The following SOAT1 variants were observed in gnomAD, a reference collection of about 807,000 sequenced individuals.
The protein encoded by SOAT1 is sterol O-acyltransferase 1.
Under a neutral mutation model 69.5 loss-of-function variants are expected in SOAT1, and 55 were observed. That is an observed-to-expected ratio of 0.79 (90% CI 0.64 to 0.99). SOAT1 has a LOEUF of 0.99. Among genes scored for constraint, SOAT1 ranks in the 50% least tolerant of loss-of-function variants. The pLI is 0.00. For synonymous variants in SOAT1, 231 were observed against 224.7 expected, an observed-to-expected ratio of 1.03 and a Z score of -0.25; for missense variants, 580 against 669.3, an observed-to-expected ratio of 0.87 and a Z score of 1.47.
At chr1:179,350,242 A>G in intron 13 of SOAT1, 54 bp from the exon 14 acceptor site, 1 of 1,489,580 alleles carries the variant, frequency 6.7e-7, no homozygotes, top group Non-Finnish European at 9.3e-7. Flanking sequence ...TATATAATCC[A>G]TGCTTGCTTT....
chr1:179,302,087 G>A (rs1481836978), intron 1 of SOAT1, among the ~76,000 whole-genome samples: 1 of 150,636 alleles, frequency 6.6e-6, no homozygotes, highest in East Asian at 1.9e-4. Context: ...TAAGAGTGGG[G>A]TCTATGTTTA....
intron 7 of SOAT1, 150 bp from the exon 8 acceptor site, chr1:179,341,964 A>C (rs1013224890): frequency 2.2e-6 from 2 of 895,114 alleles, no homozygotes; most frequent in African/African-American, 3.4e-5. Flanking sequence ...TTGTCATGTA[A>C]CTATATAATA....
intron 2 of SOAT1, among the ~76,000 whole-genome samples, chr1:179,313,842 C>T (rs912378781): frequency 2.0e-5 from 3 of 152,152 alleles, no homozygotes; most frequent in African/African-American, 7.2e-5. Context: ...CCTCGGCCTC[C>T]CAAAGTACTG....
chr1:179,346,868 GAAGTTC>G (rs1666549755), intron 11 of SOAT1, among the ~76,000 whole-genome samples: 1 of 152,076 alleles, frequency 6.6e-6, no homozygotes, highest in African/African-American at 2.4e-5. Context: ...CCCAGGAGTT[GAAGTTC>G]AGCCTGGGCA....
intron 3 of SOAT1, among the ~76,000 whole-genome samples, chr1:179,329,723 A>C (rs1404665828): frequency 6.6e-6 from 1 of 152,138 alleles, no homozygotes; most frequent in Non-Finnish European, 1.5e-5. Flanking sequence ...TCAAAAAAAA[A>C]AAAAAAGAAG....
At chr1:179,303,067 T>A (rs1664890703) in intron 2 of SOAT1, among the ~76,000 whole-genome samples, 1 of 152,182 alleles carries the variant, frequency 6.6e-6, no homozygotes, top group Non-Finnish European at 1.5e-5. Context: ...CGCTGGATGC[T>A]GGGGCTATAG....
At chr1:179,313,756 G>A (rs1477434652) in intron 2 of SOAT1, among the ~76,000 whole-genome samples, 1 of 152,064 alleles carries the variant, frequency 6.6e-6, no homozygotes, top group Admixed American at 6.6e-5. Flanking sequence ...GGCTAATTTT[G>A]TATTTTTAGT....
rs759503259 is a variant in SOAT1 at position 179,342,864 on chromosome 1, A to C, written c.862A>C (p.Thr288Pro). The change falls in exon 9 of 16, where the codon ACT (threonine) becomes CCT (proline). Residue 288 changes from threonine to proline, a missense_variant and splice_region_variant. By Grantham distance (38) the Thr-to-Pro change is conservative. Transcript: ENST00000367619. The stretch of plus-strand genomic sequence containing the variant: ...TAACTATAGTTTTCCTTTTCTAGGC[A>C]CTGTTCCAATACCTACAGTCAACCA... Reference protein sequence around the residue: ...VLNSAKEKSSTVPIPTVNQYL... With the variant: ...VLNSAKEKSSPVPIPTVNQYL... 5 of 1,611,876 alleles carry C rather than the reference A, an allele frequency of 3.1e-6. No individual in the cohort carries two copies. In the South Asian group the frequency reaches 5.5e-5, roughly 18 times the overall value.
intron 6 of SOAT1, among the ~76,000 whole-genome samples, chr1:179,340,265 C>T (rs188829182): frequency 4.7e-4 from 71 of 152,190 alleles, no homozygotes; most frequent in Middle Eastern, 3.4e-3. Context: ...GAGGCCGAGG[C>T]GGGAGGATCA....
intron 5 of SOAT1, among the ~76,000 whole-genome samples, chr1:179,339,207 C>T (rs1047763691): frequency 2.0e-5 from 3 of 152,012 alleles, no homozygotes; most frequent in African/African-American, 7.2e-5. Context: ...AAATTCTTAA[C>T]ATTTGAAATA....
chr1:179,331,408 T>C (rs1432015514), intron 3 of SOAT1, among the ~76,000 whole-genome samples: 1 of 152,188 alleles, frequency 6.6e-6, no homozygotes, highest in African/African-American at 2.4e-5. Flanking sequence ...GCAAAATGCA[T>C]GAGCAAGGGG....
intron 1 of SOAT1, among the ~76,000 whole-genome samples, chr1:179,294,806 T>C (rs1297248721): frequency 6.6e-6 from 1 of 152,244 alleles, no homozygotes; most frequent in Non-Finnish European, 1.5e-5. Flanking sequence ...GTGCTGGGAT[T>C]ACAGGCGTGA....
chr1:179,341,408 T>G, intron 7 of SOAT1, 98 bp downstream of exon 7: 1 of 1,225,946 alleles, frequency 8.2e-7, no homozygotes, highest in South Asian at 1.5e-5. Flanking sequence ...CTGTATTAAC[T>G]TGGATAAATT....
intron 1 of SOAT1, among the ~76,000 whole-genome samples, chr1:179,296,514 A>G (rs1022200130): frequency 6.6e-6 from 1 of 152,212 alleles, no homozygotes; most frequent in African/African-American, 2.4e-5. Context: ...CACATTGGTT[A>G]ATAAGAGATT....
intron 2 of SOAT1, among the ~76,000 whole-genome samples, chr1:179,310,920 G>A (rs1665198526): frequency 6.6e-6 from 1 of 152,178 alleles, no homozygotes; most frequent in African/African-American, 2.4e-5. Flanking sequence ...CTTTATGAGT[G>A]TAATCACATA....
chr1:179,349,408 ACCT>A (rs1375898666), intron 13 of SOAT1, among the ~76,000 whole-genome samples: 1 of 145,338 alleles, frequency 6.9e-6, no homozygotes, highest in African/African-American at 2.6e-5. Context: ...GCTCACTGCA[ACCT>A]CCTCCTCCCG....
rs187606566 is a variant in SOAT1, at chr1:179,297,712, C to T, written c.-9+3776C>T. Among the ~76,000 whole-genome samples the T allele has an allele frequency of 4.6e-4, 63 of 137,816 alleles. No homozygotes were observed. The East Asian group carries it at 0.011, about 24-fold the overall frequency. The allele number at this position is 137,816 out of a possible 152,430, so 90.4% of individuals were successfully genotyped here. On this transcript the variant is annotated intron_variant, in intron 1 of 15. Transcript: ENST00000367619. ...TCATGCCACTGCACTTCAACCTGGGCGACATGGCATGACTCCGTCTCAAAA... is the reference window on the plus strand; with the variant it reads ...TCATGCCACTGCACTTCAACCTGGGTGACATGGCATGACTCCGTCTCAAAA...
intron 3 of SOAT1, among the ~76,000 whole-genome samples, chr1:179,333,181 G>A (rs1666027882): frequency 6.6e-6 from 1 of 152,080 alleles, no homozygotes; most frequent in Admixed American, 6.6e-5. Flanking sequence ...AGGGGGAGAG[G>A]TTGGAACAAT....
chr1:179,325,948 T>G (rs1231438421), intron 3 of SOAT1, among the ~76,000 whole-genome samples: 1 of 152,210 alleles, frequency 6.6e-6, no homozygotes, highest in Non-Finnish European at 1.5e-5. Context: ...AGGGAAAAGC[T>G]GAAAGAATGG....
Sources: allele counts gnomAD v4.1 joint callset (sites outside exome capture counted in the v4.1 genomes callset), GRCh38; gene constraint gnomAD v4.1.1; transcripts MANE v1.5; gene names NCBI Gene and HGNC (gene_info 2026-07-23, HGNC 2026-07-21).